SCFD2: variants seen among roughly 807,000 people sequenced by gnomAD.
SCFD2 encodes sec1 family domain-containing protein 2.
In SCFD2, 54 loss-of-function variants were observed where a neutral mutation model predicts 58.9. That is an observed-to-expected ratio of 0.92 (90% CI 0.74 to 1.15). The LOEUF is 1.15. Ranked by LOEUF, SCFD2 falls within the 50% of genes most tolerant of loss-of-function variation. The pLI is 0.00. For synonymous variants in SCFD2, 321 were observed against 335.9 expected, an observed-to-expected ratio of 0.96 and a Z score of 0.49; for missense variants, 805 against 836.6, an observed-to-expected ratio of 0.96 and a Z score of 0.47.
intron 4 of SCFD2, among the ~76,000 whole-genome samples, chr4:53,170,077 G>C (rs1183694776): frequency 6.6e-6 from 1 of 151,962 alleles, no homozygotes; most frequent in Non-Finnish European, 1.5e-5. Context: ...GGAGTTTTTG[G>C]GGTCAAATAC....
intron 4 of SCFD2, among the ~76,000 whole-genome samples, chr4:53,224,994 A>G (rs1296080964): frequency 2.6e-5 from 4 of 152,172 alleles, no homozygotes; most frequent in Non-Finnish European, 5.9e-5. Context: ...TCAATAACTT[A>G]ATTTTTAACA....
intron 3 of SCFD2, among the ~76,000 whole-genome samples, chr4:53,305,731 T>C (rs1732493991): frequency 6.6e-6 from 1 of 152,198 alleles, no homozygotes; most frequent in Non-Finnish European, 1.5e-5. Context: ...CAGCTATCCA[T>C]TCACCTATCC....
At chr4:52,885,525 C>T (rs576037348) in intron 8 of SCFD2, among the ~76,000 whole-genome samples, 1 of 152,236 alleles carries the variant, frequency 6.6e-6, no homozygotes, top group South Asian at 2.1e-4. Flanking sequence ...TGACCCAGTC[C>T]TCCACCACTG....
chr4:52,997,225 T>C (rs1721760699), intron 5 of SCFD2, among the ~76,000 whole-genome samples: 1 of 152,154 alleles, frequency 6.6e-6, no homozygotes, highest in Non-Finnish European at 1.5e-5. Context: ...CTATGTCCAA[T>C]GAGTTGTTAT....
intron 4 of SCFD2, among the ~76,000 whole-genome samples, chr4:53,177,307 G>C (rs1414831203): frequency 6.6e-6 from 1 of 152,122 alleles, no homozygotes; most frequent in Non-Finnish European, 1.5e-5. Flanking sequence ...TACATGCTTG[G>C]GGCACCCAAT....
intron 4 of SCFD2, among the ~76,000 whole-genome samples, chr4:53,215,366 C>A (rs1049211424): frequency 5.3e-5 from 8 of 152,088 alleles, no homozygotes; most frequent in Non-Finnish European, 7.3e-5. Context: ...AGAGGTCCTT[C>A]ACGTCCCTTG....
chr4:53,043,343 G>A (rs1722945672), intron 5 of SCFD2, among the ~76,000 whole-genome samples: 1 of 151,924 alleles, frequency 6.6e-6, no homozygotes, highest in Non-Finnish European at 1.5e-5. Context: ...TGATTAGGCT[G>A]GAGATCTTAG....
At chr4:53,243,704 A>T (rs994482465) in intron 4 of SCFD2, among the ~76,000 whole-genome samples, 19 of 152,094 alleles carry the variant, frequency 1.2e-4, no homozygotes, top group African/African-American at 4.3e-4. Flanking sequence ...AGAAAAAAAA[A>T]AGAGAGAAAA....
chr4:53,214,769 G>A lies in SCFD2; in HGVS notation c.1311+59057C>T, dbSNP rs541465436. The stretch of plus-strand genomic sequence containing the variant: ...TGGTATTGCCTAGGTTTTCTTCTAG[G>A]GTTTTTATGGTTTTAGGTCTAACAT... On this transcript the variant is annotated intron_variant, in intron 4 of 8. Transcript: ENST00000401642. Among the ~76,000 whole-genome samples the A allele has an allele frequency of 3.9e-5, 6 of 152,094 alleles. No homozygotes were observed. The South Asian group carries it at 1.2e-3, about 32-fold the overall frequency.
chr4:53,178,285 C>G (rs1292257344), intron 4 of SCFD2, among the ~76,000 whole-genome samples: 1 of 152,184 alleles, frequency 6.6e-6, no homozygotes, highest in African/African-American at 2.4e-5. Flanking sequence ...CAGCCGGGTA[C>G]TCCTCTGAGA....
intron 2 of SCFD2, among the ~76,000 whole-genome samples, chr4:53,314,541 A>G (rs934294286): frequency 1.8e-4 from 27 of 152,190 alleles, no homozygotes; most frequent in African/African-American, 6.5e-4. Context: ...ACGTTTTAAA[A>G]ACTGAATACA....
intron 5 of SCFD2, among the ~76,000 whole-genome samples, chr4:53,104,995 G>A (rs1223354155): frequency 1.3e-5 from 2 of 152,158 alleles, no homozygotes; most frequent in Non-Finnish European, 2.9e-5. Context: ...CCTGCCTCAT[G>A]TCATTGGGAG....
chr4:53,345,642 G>A (rs2200051), intron 2 of SCFD2, among the ~76,000 whole-genome samples: 89,763 of 151,850 alleles, frequency 0.59, 26,686 homozygotes, highest in Middle Eastern at 0.66. Context: ...AAAGACACAC[G>A]CACATGTATG....
At chr4:52,881,336 G>T (rs1718604747) in intron 8 of SCFD2, among the ~76,000 whole-genome samples, 1 of 152,202 alleles carries the variant, frequency 6.6e-6, no homozygotes, top group Non-Finnish European at 1.5e-5. Flanking sequence ...TTCTCCATGG[G>T]AGTCTGTGCT....
intron 4 of SCFD2, among the ~76,000 whole-genome samples, chr4:53,156,567 A>G (rs773592590): frequency 5.9e-5 from 9 of 152,210 alleles, no homozygotes; most frequent in South Asian, 2.1e-4. Context: ...GTGTGGTGGC[A>G]GGCACCTGTA....
At chr4:53,016,198 T>C (rs1473291428) in intron 5 of SCFD2, among the ~76,000 whole-genome samples, 1 of 152,178 alleles carries the variant, frequency 6.6e-6, no homozygotes, top group Non-Finnish European at 1.5e-5. Flanking sequence ...AATGAGAACA[T>C]TTTTGAAAGG....
At chr4:53,209,595 A>G (rs2148978663) in intron 4 of SCFD2, among the ~76,000 whole-genome samples, 2 of 152,218 alleles carry the variant, frequency 1.3e-5, no homozygotes, top group African/African-American at 4.8e-5. Context: ...CTCACTGTGT[A>G]TTCAACTAAA....
intron 7 of SCFD2, among the ~76,000 whole-genome samples, chr4:52,887,738 C>T (rs925898341): frequency 9.2e-5 from 14 of 152,064 alleles, no homozygotes; most frequent in Non-Finnish European, 1.5e-4. Flanking sequence ...GTGTTCTTGC[C>T]CAACACAACG....
chr4:53,216,625 G>T (rs1256002973), intron 4 of SCFD2, among the ~76,000 whole-genome samples: 1 of 152,066 alleles, frequency 6.6e-6, no homozygotes, highest in South Asian at 2.1e-4. Flanking sequence ...TTTTTGAAGG[G>T]TTTTTTGTGT....
Sources: allele counts gnomAD v4.1 joint callset (sites outside exome capture counted in the v4.1 genomes callset), GRCh38; gene constraint gnomAD v4.1.1; transcripts MANE v1.5; gene names NCBI Gene and HGNC (gene_info 2026-07-23, HGNC 2026-07-21).